The following PMS2 variants were observed in gnomAD, a reference collection of about 807,000 sequenced individuals.
PMS2 encodes the protein mismatch repair endonuclease PMS2.
In PMS2, 69 loss-of-function variants were observed where a neutral mutation model predicts 90.0. The ratio of observed to expected loss-of-function variants is 0.77; its 90% CI spans 0.63 to 0.94. The LOEUF (loss-of-function observed/expected upper bound fraction) is 0.94, where lower values mean the gene tolerates loss of function less well. PMS2 is among the 40% of genes least tolerant of loss of function. The pLI is 0.00. For missense variants in PMS2, 966 were observed against 1,040.2 expected (o/e 0.93, Z 0.98); for synonymous variants, 332 against 375.1 (o/e 0.89, Z 1.33).
intron 12 of PMS2, among the ~76,000 whole-genome samples, chr7:5,981,985 T>C (rs907794318): frequency 1.3e-5 from 2 of 152,048 alleles, no homozygotes; most frequent in Admixed American, 1.3e-4. Context: ...GAAAAATACA[T>C]ATATACATAT....
At chr7:5,997,986 A>T in intron 6 of PMS2, among the ~76,000 whole-genome samples, 1 of 152,098 alleles carries the variant, frequency 6.6e-6, no homozygotes, top group Non-Finnish European at 1.5e-5. Context: ...TTTCAGAGAG[A>T]GAGTGAAAAG....
In PMS2 at chr7:5,972,629, C is replaced by G. The variant is rs1781407536; in HGVS notation, c.*770G>C. 1.3e-5 allele frequency among the ~76,000 whole-genome samples: 1 copy of G among 75,588 alleles called. No homozygotes were observed. Among genetic ancestry groups the G allele is most frequent in the Non-Finnish European group, 2.5e-5 (1 of 39,446 alleles). The allele number at this position is 75,588 out of a possible 152,430, so 49.6% of individuals were successfully genotyped here. A position where few individuals can be genotyped will look rare whatever the true frequency, so the allele number is the denominator to read the frequency against. ...CCCTGTCCCATCCAGTCATTTTCTT[C>G]CAGCCGGGCAGAGAATCCCCCGTGT... On this transcript the variant is annotated 3_prime_UTR_variant, in exon 15 of 15. Transcript: ENST00000265849.
intron 10 of PMS2, among the ~76,000 whole-genome samples, chr7:5,989,016 C>A (rs12531177): frequency 6.6e-6 from 1 of 151,704 alleles, no homozygotes; most frequent in South Asian, 2.1e-4. Flanking sequence ...CCACCACGCC[C>A]GGCTAATTTT....
intron 5 of PMS2, 35 bp downstream of exon 5, chr7:6,002,418 C>T (rs1160624497): frequency 7.3e-7 from 1 of 1,373,320 alleles, no homozygotes; most frequent in African/African-American, 1.4e-5. Context: ...GTGCATTAAC[C>T]AATACTCTTG....
intron 11 of PMS2, among the ~76,000 whole-genome samples, chr7:5,984,739 C>A (rs551120641): frequency 6.6e-6 from 1 of 151,510 alleles, no homozygotes; most frequent in South Asian, 2.1e-4. Context: ...GAGCTGAGAT[C>A]GTGCCAGTGC....
chr7:5,982,565 G>A (rs1782403205), intron 12 of PMS2, among the ~76,000 whole-genome samples: 1 of 152,084 alleles, frequency 6.6e-6, no homozygotes, highest in African/African-American at 2.4e-5. Flanking sequence ...TCCAACTCCT[G>A]ACCTCAGGTG....
chr7:6,001,490 C>T (rs1785085853), intron 5 of PMS2, among the ~76,000 whole-genome samples: 1 of 151,880 alleles, frequency 6.6e-6, no homozygotes. Context: ...CCTGCCTCAG[C>T]CTCCCAAGGA....
At chr7:5,983,077 C>G in intron 11 of PMS2, 86 bp from the exon 12 acceptor site, 1 of 1,555,246 alleles carries the variant, frequency 6.4e-7, no homozygotes, top group Non-Finnish European at 8.7e-7. Flanking sequence ...AAAAAAAAGT[C>G]AAACAATACA....
intron 7 of PMS2, among the ~76,000 whole-genome samples, chr7:5,996,590 A>AAAAATATATAT (rs56858711): frequency 2.5e-4 from 27 of 110,176 alleles, no homozygotes; most frequent in Non-Finnish European, 4.2e-4. Flanking sequence ...AAAAAAAAAA[A>AAAAATATATAT]ATATATATAT....
At chr7:5,994,733 G>A (rs1453593699) in intron 8 of PMS2, among the ~76,000 whole-genome samples, 5 of 150,772 alleles carry the variant, frequency 3.3e-5, no homozygotes, top group African/African-American at 9.8e-5. Flanking sequence ...CCGAGACCAC[G>A]CCACTGCACT....
At position 5,982,677 on chromosome 7, in the gene PMS2, T is replaced by G. The variant is rs990836858; in HGVS notation, c.2174+147A>C. ...ATTTTTTACACCCCTCCTTCCTAGA[T>G]CTCTTCTTTTTTAAAGTAGATACAA... is the stretch of plus-strand genomic sequence containing the variant. On this transcript the variant is annotated intron_variant, in intron 12 of 14. Coordinates refer to ENST00000265849, the MANE Select transcript of PMS2 (RefSeq NM_000535.7). 4 of 1,230,912 alleles carry G rather than the reference T, an allele frequency of 3.2e-6. No individual in the cohort carries two copies. The Admixed American group carries it at 8.8e-5, about 27-fold the overall frequency. The allele number at this position is 1,230,912 out of a possible 1,614,324, so 76.2% of individuals were successfully genotyped here. A position where few individuals can be genotyped will look rare whatever the true frequency, so the allele number is the denominator to read the frequency against.
chr7:5,989,892 A>C lies in PMS2; in HGVS notation c.1052T>G (p.Leu351Trp), dbSNP rs1783536235. Residue 351 changes from leucine (L) to tryptophan (W), a missense_variant, in exon 10 of 15, where the codon TTG (leucine) becomes TGG (tryptophan). Leu to Trp is a moderately conservative substitution (Grantham distance 61). This residue lies in a region of PMS2 where 871 missense variants were observed against 802.4 expected (regional missense o/e 1.09). Transcript: ENST00000265849. ...RQILLQEEKL[L>W]LAVLKTSLIG... ...CAAAGAGGTCTTTAAAACTGCCAAC[A>C]AAAGCTTTTCCTCTTGTAGCAAAAT... The C allele has an allele frequency of 1.2e-6, 2 of 1,612,512 alleles. No individual in the cohort carries two copies. Among genetic ancestry groups the C allele is most frequent in the Non-Finnish European group, 1.7e-6 (2 of 1,178,816 alleles).
chr7:5,996,854 G>A (rs1784463378), intron 7 of PMS2, among the ~76,000 whole-genome samples: 1 of 152,004 alleles, frequency 6.6e-6, no homozygotes, highest in East Asian at 1.9e-4. Flanking sequence ...TTAAGCAACT[G>A]ACTCCTTTGT....
rs144489994 is a variant in PMS2 at position 5,986,865 on chromosome 7, G to A, written c.1900C>T (p.His634Tyr). The change falls in exon 11 of 15, where the codon CAT (histidine) becomes TAT (tyrosine). Residue 634 changes from histidine (H) to tyrosine (Y), a missense_variant. Transcript: ENST00000265849. ...SLAKRIKQLHHEAQQSEGEQN... is the reference protein window; with the variant it reads ...SLAKRIKQLHYEAQQSEGEQN... ...TCCCCTTCACTTTGCTGTGCTTCAT[G>A]ATGTAACTGCTTTATTCGTTTAGCT... 1 of 1,613,982 alleles carries A rather than the reference G, an allele frequency of 6.2e-7. No individual in the cohort carries two copies. Among genetic ancestry groups the A allele is most frequent in the Non-Finnish European group, 8.5e-7 (1 of 1,179,964 alleles).
chr7:5,987,371 T>C lies in PMS2; in HGVS notation c.1394A>G (p.Lys465Arg), dbSNP rs141084758. ...CTCTTTCTGAGGTCTCAGGACGCCT[T>C]TGTCAGAGATGGCACCTGAAGTGCT... is the stretch of plus-strand genomic sequence containing the variant. ...SSSTSGAISDKGVLRPQKEAV... is the reference protein window; with the variant it reads ...SSSTSGAISDRGVLRPQKEAV... Residue 465 changes from lysine to arginine, a missense_variant, in exon 11 of 15, where the codon AAA becomes AGA. By Grantham distance (26) the Lys-to-Arg change is conservative (BLOSUM62 2). Transcript: ENST00000265849. 9.3e-6 allele frequency: 15 copies of C among 1,614,044 alleles called. No homozygotes were observed. The African/African-American group carries it at 1.6e-4, about 17-fold the overall frequency.
rs182301233 is a variant in PMS2, at chr7:5,978,915, C to T, written c.2175-219G>A. Among the ~76,000 whole-genome samples, 216 of 149,360 alleles carry T rather than the reference C, an allele frequency of 1.4e-3. 5 individuals are homozygous for T. The highest frequency in any genetic ancestry group is 0.014 in the Admixed American group (214 of 15,108). On this transcript the variant is annotated intron_variant, in intron 12 of 14. Coordinates refer to ENST00000265849, the MANE Select transcript of PMS2 (RefSeq NM_000535.7). The stretch of plus-strand genomic sequence containing the variant: ...TTTTAGAAGTTAAAGTAGCTACAGG[C>T]CAGGTGCGGTGGCTCACGCCTGTAA...
rs575797085 is a variant in PMS2 at position 5,985,099 on chromosome 7, C to G, written c.2006+1660G>C. 4.6e-5 allele frequency among the ~76,000 whole-genome samples: 7 copies of G among 151,184 alleles called. No homozygotes were observed. In the South Asian group the frequency reaches 1.5e-3, roughly 31 times the overall value. On this transcript the variant is annotated intron_variant, in intron 11 of 14. Transcript: ENST00000265849. ...ACAAAAACCACACCAGTGATTTTAA[C>G]AGGGACTTTTTTTTTTAAGACAGGG...
chr7:5,981,058 C>A lies in PMS2; in HGVS notation c.2174+1766G>T, dbSNP rs189947809. The stretch of plus-strand genomic sequence containing the variant: ...TCACTACGTGGTTTAATTTCCCACA[C>A]GAAAATCCATGACCTCTTCTTCTAA... On this transcript the variant is annotated intron_variant, in intron 12 of 14. Coordinates refer to ENST00000265849, the MANE Select transcript of PMS2 (RefSeq NM_000535.7). Among the ~76,000 whole-genome samples the A allele has an allele frequency of 5.7e-3, 863 of 151,750 alleles. 10 individuals carry two copies. The highest frequency in any genetic ancestry group is 4.8e-3 in the Non-Finnish European group (328 of 68,022).
intron 4 of PMS2, 122 bp from the exon 5 acceptor site, chr7:6,002,758 G>C (rs1380256289): frequency 5.0e-6 from 4 of 806,938 alleles, no homozygotes; most frequent in African/African-American, 3.4e-5. Flanking sequence ...ATCCCTCTGA[G>C]ATAATCAAGA....
Sources: allele counts gnomAD v4.1 joint callset (sites outside exome capture counted in the v4.1 genomes callset), GRCh38; gene constraint gnomAD v4.1.1; regional missense constraint gnomAD v4.1.1; transcripts MANE v1.5; gene names NCBI Gene and HGNC (gene_info 2026-07-23, HGNC 2026-07-21).